Variants in COLEC10 observed in about 807,000 individuals in gnomAD.
COLEC10 encodes the protein collectin-10.
Under a neutral mutation model 28.4 loss-of-function variants are expected in COLEC10, and 22 were observed. The observed-to-expected ratio is 0.78, with a 90% CI of 0.55 to 1.11. The LOEUF (loss-of-function observed/expected upper bound fraction) is 1.11, where lower values mean the gene tolerates loss of function less well. COLEC10 is among the 50% of genes least tolerant of loss of function. The pLI, the probability that COLEC10 is intolerant of heterozygous loss-of-function variation, is 0.00. For synonymous variants in COLEC10, 125 were observed against 116.1 expected, an observed-to-expected ratio of 1.08 and a Z score of -0.49; for missense variants, 361 against 344.1, an observed-to-expected ratio of 1.05 and a Z score of -0.39.
intron 3 of COLEC10, among the ~76,000 whole-genome samples, chr8:119,091,516 C>T (rs1294738421): frequency 6.6e-6 from 1 of 150,846 alleles, no homozygotes; most frequent in Non-Finnish European, 1.5e-5. Context: ...GATCACACCA[C>T]TGCAATCCAG....
intron 2 of COLEC10, among the ~76,000 whole-genome samples, chr8:119,051,170 G>A (rs1814667048): frequency 6.6e-6 from 1 of 151,954 alleles, no homozygotes; most frequent in South Asian, 2.1e-4. Flanking sequence ...TAAAATTTAA[G>A]AATGTAATCA....
chr8:119,012,655 T>C (rs1026875423), intron 2 of COLEC10, among the ~76,000 whole-genome samples: 2 of 150,736 alleles, frequency 1.3e-5, no homozygotes, highest in Non-Finnish European at 3.0e-5. Flanking sequence ...ATAATAGATA[T>C]AGGACTATTC....
chr8:119,081,954 G>A (rs190852243), intron 1 of COLEC10, among the ~76,000 whole-genome samples: 187 of 152,262 alleles, frequency 1.2e-3, no homozygotes, highest in Non-Finnish European at 2.3e-3. Flanking sequence ...ACTATTCTAG[G>A]CACTTGAGAT....
the COLEC10 span, among the ~76,000 whole-genome samples, chr8:118,970,510 A>G: frequency 0.017 from 2,564 of 152,136 alleles, 68 homozygotes; most frequent in African/African-American, 0.059. Context: ...TGGTACTATT[A>G]ACATCTATTT....
chr8:119,063,635 T>C (rs1230509391), upstream of COLEC10, among the ~76,000 whole-genome samples: 1 of 152,074 alleles, frequency 6.6e-6, no homozygotes, highest in Non-Finnish European at 1.5e-5. Flanking sequence ...TTAATTATGT[T>C]TGCAAAGACC....
chr8:119,072,162 CAT>C (rs1385670722), intron 1 of COLEC10, among the ~76,000 whole-genome samples: 1 of 152,264 alleles, frequency 6.6e-6, no homozygotes, highest in African/African-American at 2.4e-5. Context: ...CTCCTCCACA[CAT>C]GTGGTCTGTG....
At chr8:118,983,555 A>G in the COLEC10 span, among the ~76,000 whole-genome samples, 1 of 152,132 alleles carries the variant, frequency 6.6e-6, no homozygotes, top group Non-Finnish European at 1.5e-5. Flanking sequence ...AACCCCTGGA[A>G]CTTGTGAATA....
chr8:119,058,985 A>G (rs1383243235), intron 2 of COLEC10, among the ~76,000 whole-genome samples: 2 of 152,072 alleles, frequency 1.3e-5, no homozygotes, highest in African/African-American at 4.8e-5. Flanking sequence ...TATCTCATTG[A>G]AATCTAATGA....
At chr8:119,008,624 T>C (rs10955918) in intron 1 of COLEC10, among the ~76,000 whole-genome samples, 6,812 of 150,564 alleles carry the variant, frequency 0.045, 421 homozygotes, top group East Asian at 0.16. Context: ...GAGTTGCTCA[T>C]GACCCTGGTG....
chr8:119,053,889 GT>G (rs988553309), intron 2 of COLEC10, among the ~76,000 whole-genome samples: 5 of 151,830 alleles, frequency 3.3e-5, no homozygotes, highest in African/African-American at 1.2e-4. Context: ...TATATACTAT[GT>G]TTTTTTCTAT....
intron 1 of COLEC10, among the ~76,000 whole-genome samples, chr8:119,086,802 C>T (rs16891980): frequency 0.029 from 4,412 of 152,254 alleles, 95 homozygotes; most frequent in South Asian, 0.11. Flanking sequence ...TTTATCTTGC[C>T]TTTTCATGAG....
At chr8:119,085,597 T>G (rs1354471335) in intron 1 of COLEC10, among the ~76,000 whole-genome samples, 214 of 85,342 alleles carry the variant, frequency 2.5e-3, no homozygotes, top group African/African-American at 0.012. Context: ...TTTCTTCTTC[T>G]TCTTTTTTTT....
intron 1 of COLEC10, among the ~76,000 whole-genome samples, chr8:118,997,973 A>C (rs1813617881): frequency 1.3e-5 from 2 of 152,192 alleles, no homozygotes; most frequent in African/African-American, 4.8e-5. Flanking sequence ...CTTGTACTCC[A>C]TTAAGGTGGC....
At chr8:118,979,133 T>A in the COLEC10 span, among the ~76,000 whole-genome samples, 2 of 152,052 alleles carry the variant, frequency 1.3e-5, no homozygotes, top group Non-Finnish European at 2.9e-5. Flanking sequence ...TATATTTAAA[T>A]CTTTAATCTA....
At chr8:119,002,319 G>A (rs1813716525) in intron 1 of COLEC10, among the ~76,000 whole-genome samples, 2 of 151,976 alleles carry the variant, frequency 1.3e-5, no homozygotes, top group Non-Finnish European at 2.9e-5. Context: ...ATAGTTTCTT[G>A]AAATGTTTTT....
chr8:119,039,548 A>T (rs1814455565), intron 2 of COLEC10, among the ~76,000 whole-genome samples: 1 of 152,196 alleles, frequency 6.6e-6, no homozygotes, highest in Admixed American at 6.5e-5. Context: ...ACATAAGGAC[A>T]TTTGGTGTGG....
At chr8:119,058,309 A>G (rs1476047559) in intron 2 of COLEC10, among the ~76,000 whole-genome samples, 8 of 152,048 alleles carry the variant, frequency 5.3e-5, no homozygotes, top group Admixed American at 5.3e-4. Flanking sequence ...TTGTAAGTGA[A>G]GAGTTGGATT....
chr8:119,105,401 C>T (rs1433997638), intron 5 of COLEC10, among the ~76,000 whole-genome samples: 1 of 151,956 alleles, frequency 6.6e-6, no homozygotes, highest in Non-Finnish European at 1.5e-5. Flanking sequence ...AGAAGTTTAC[C>T]AGGTAGAAAA....
intron 2 of COLEC10, among the ~76,000 whole-genome samples, chr8:119,044,524 G>A (rs961962175): frequency 1.3e-5 from 2 of 152,054 alleles, no homozygotes; most frequent in Non-Finnish European, 2.9e-5. Flanking sequence ...ATATATGAAA[G>A]AGTAGTAAAG....
Sources: gnomAD v4.1 joint callset for allele counts (sites outside exome capture counted in the v4.1 genomes callset) on GRCh38, gnomAD v4.1.1 for gene constraint, MANE v1.5 for transcripts, NCBI Gene and HGNC (gene_info 2026-07-23, HGNC 2026-07-21) for gene names.